The following PLA2G4A variants were observed in gnomAD, a reference collection of about 807,000 sequenced individuals.
PLA2G4A encodes phospholipase A2 group IVA.
A neutral mutation model predicts 81.9 loss-of-function variants in PLA2G4A; 40 were observed. The ratio of observed to expected loss-of-function variants is 0.49; its 90% CI spans 0.38 to 0.64. The LOEUF is 0.64. Among genes scored for constraint, PLA2G4A ranks in the 30% least tolerant of loss-of-function variants. PLA2G4A has a pLI of 0.00. For missense variants in PLA2G4A, 715 were observed against 905.1 expected, an observed-to-expected ratio of 0.79 and a Z score of 2.69; for synonymous variants, 302 against 296.9, an observed-to-expected ratio of 1.02 and a Z score of -0.18.
chr1:186,871,657 G>A (rs1265788393), intron 3 of PLA2G4A, among the ~76,000 whole-genome samples: 1 of 152,094 alleles, frequency 6.6e-6, no homozygotes, highest in Non-Finnish European at 1.5e-5. Flanking sequence ...AATAGATAAC[G>A]GAGGTGGGGG....
At chr1:186,908,691 T>C (rs948750883) in intron 6 of PLA2G4A, among the ~76,000 whole-genome samples, 45 of 151,924 alleles carry the variant, frequency 3.0e-4, no homozygotes, top group African/African-American at 1.1e-3. Context: ...TACTACATAA[T>C]AGTAAAAGTG....
Position 186,932,747 on chromosome 1 carries a change from T to G in PLA2G4A, c.559-16T>G. 1 of 1,612,402 alleles carries G rather than the reference T, an allele frequency of 6.2e-7. No homozygotes were observed. The highest frequency in any genetic ancestry group is 8.5e-7 in the Non-Finnish European group (1 of 1,178,424). On this transcript the variant is annotated splice_polypyrimidine_tract_variant and intron_variant, in intron 7 of 17. Coordinates refer to ENST00000367466, the MANE Select transcript of PLA2G4A (RefSeq NM_024420.3). ...TTTTTACTTTGTGTACAAATCTCTCTGTTGCATCGTTTCAGGTGCCTGTGG... is the reference window on the plus strand; with the variant it reads ...TTTTTACTTTGTGTACAAATCTCTCGGTTGCATCGTTTCAGGTGCCTGTGG...
At chr1:186,973,439 A>G (rs1266067215) in intron 15 of PLA2G4A, among the ~76,000 whole-genome samples, 2 of 152,166 alleles carry the variant, frequency 1.3e-5, no homozygotes, top group Non-Finnish European at 2.9e-5. Context: ...AAAATCCTTA[A>G]TTAAATTACA....
chr1:186,859,124 T>C (rs1571341042), intron 2 of PLA2G4A, among the ~76,000 whole-genome samples: 3 of 152,254 alleles, frequency 2.0e-5, no homozygotes, highest in Admixed American at 2.0e-4. Context: ...CAGCTTTGGT[T>C]GCCTCAAGGC....
At chr1:186,830,961 T>TTGCTTG (rs61289403) in intron 1 of PLA2G4A, among the ~76,000 whole-genome samples, 675 of 38,282 alleles carry the variant, frequency 0.018, 7 homozygotes, top group African/African-American at 0.044. Context: ...TTGCTTGCTT[T>TTGCTTG]CTTTCTTTCT....
chr1:186,892,271 T>C (rs1318285051), intron 3 of PLA2G4A, among the ~76,000 whole-genome samples: 1 of 152,120 alleles, frequency 6.6e-6, no homozygotes, highest in African/African-American at 2.4e-5. Context: ...TTTTTTCCTT[T>C]GGTGTGCAAA....
chr1:186,846,819 T>C (rs1014004221), intron 1 of PLA2G4A, among the ~76,000 whole-genome samples: 3 of 152,256 alleles, frequency 2.0e-5, no homozygotes, highest in East Asian at 3.9e-4. Flanking sequence ...AATTCCTTCA[T>C]TGATATTTTA....
chr1:186,903,464 A>G (rs1014963928), intron 5 of PLA2G4A, among the ~76,000 whole-genome samples: 7 of 152,158 alleles, frequency 4.6e-5, no homozygotes, highest in African/African-American at 1.7e-4. Flanking sequence ...GTCTATGGCA[A>G]GTTAGGACCT....
intron 10 of PLA2G4A, among the ~76,000 whole-genome samples, chr1:186,942,112 A>G (rs1243316950): frequency 1.3e-5 from 2 of 152,194 alleles, no homozygotes; most frequent in Non-Finnish European, 2.9e-5. Flanking sequence ...GGGGGCATGT[A>G]GCAGGGTCAG....
At chr1:186,932,689 A>G (rs1655793967) in intron 7 of PLA2G4A, 74 bp from the exon 8 acceptor site, 1 of 1,410,790 alleles carries the variant, frequency 7.1e-7, no homozygotes, top group African/African-American at 1.4e-5. Context: ...GTATAACATA[A>G]AGATTGAGAC....
At chr1:186,983,097 A>AAAAGAG (rs1553223841) in intron 17 of PLA2G4A, among the ~76,000 whole-genome samples, 1 of 149,846 alleles carries the variant, frequency 6.7e-6, no homozygotes, top group African/African-American at 2.4e-5. Context: ...AAAAAAAAAA[A>AAAAGAG]AAGAAAAGAA....
At chr1:186,936,613 T>A (rs1655956321) in intron 8 of PLA2G4A, among the ~76,000 whole-genome samples, 1 of 151,980 alleles carries the variant, frequency 6.6e-6, no homozygotes. Flanking sequence ...AAATTCTAAA[T>A]GTTTAACCCT....
At chr1:186,891,645 G>GAT (rs1654148260) in intron 3 of PLA2G4A, among the ~76,000 whole-genome samples, 2 of 152,090 alleles carry the variant, frequency 1.3e-5, no homozygotes, top group Non-Finnish European at 2.9e-5. Context: ...CTTCTTTATG[G>GAT]CTGAGTAACA....
chr1:186,862,937 C>G (rs914523228), intron 2 of PLA2G4A, among the ~76,000 whole-genome samples: 1 of 152,160 alleles, frequency 6.6e-6, no homozygotes, highest in Non-Finnish European at 1.5e-5. Context: ...CTGATGTTCA[C>G]ACTTTTTTTG....
At position 186,968,279 on chromosome 1, in the gene PLA2G4A, T is replaced by C. The variant is rs1161937481; in HGVS notation, c.1764+2686T>C. Among the ~76,000 whole-genome samples, 7 of 152,184 alleles carry C rather than the reference T, an allele frequency of 4.6e-5. No individual in the cohort carries two copies. The East Asian group carries it at 1.4e-3, about 29-fold the overall frequency. ...CAGTAGTTTTTAAATGTTGACTCATTATTTGTGATTAAGAATAGATACTTG... is the reference window on the plus strand; with the variant it reads ...CAGTAGTTTTTAAATGTTGACTCATCATTTGTGATTAAGAATAGATACTTG... On this transcript the variant is annotated intron_variant, in intron 15 of 17. Coordinates refer to ENST00000367466, the MANE Select transcript of PLA2G4A (RefSeq NM_024420.3).
Position 186,911,318 on chromosome 1 carries a change from G to T in PLA2G4A, c.487G>T (p.Glu163Ter). 2 of 1,609,032 alleles carry T rather than the reference G, an allele frequency of 1.2e-6. No homozygotes were observed. Among genetic ancestry groups the T allele is most frequent in the Non-Finnish European group, 1.7e-6 (2 of 1,175,370 alleles). ...QEKTFRQQRK[E>*]HIRESMKKLL... ...GAAGACTTTCAGACAACAGAGAAAAGAACACATAAGGGAGAGCATGAAGAA... is the reference window on the plus strand; with the variant it reads ...GAAGACTTTCAGACAACAGAGAAAATAACACATAAGGGAGAGCATGAAGAA... The change falls in exon 7 of 18, where the codon GAA becomes TAA. Residue 163 changes from glutamate (E) to a stop codon, truncating the protein, a stop_gained. Transcript: ENST00000367466. LOFTEE classifies it high-confidence loss of function.
At chr1:186,914,779 T>C (rs1317560726) in intron 7 of PLA2G4A, among the ~76,000 whole-genome samples, 1 of 152,164 alleles carries the variant, frequency 6.6e-6, no homozygotes, top group African/African-American at 2.4e-5. Flanking sequence ...TACTTCTTCT[T>C]TCTTTGGAGG....
At chr1:186,982,674 T>TGC (rs924782394) in intron 17 of PLA2G4A, among the ~76,000 whole-genome samples, 9 of 151,572 alleles carry the variant, frequency 5.9e-5, no homozygotes, top group East Asian at 1.9e-4. Context: ...CTCCTCTTTG[T>TGC]GTGTGTGTGC....
chr1:186,946,810 C>T (rs764639171), intron 11 of PLA2G4A, 36 bp downstream of exon 11: 19 of 1,598,356 alleles, frequency 1.2e-5, no homozygotes, highest in Admixed American at 1.7e-5. Context: ...CATTGACTTG[C>T]TTGACTATTT....
Sources: allele counts gnomAD v4.1 joint callset (sites outside exome capture counted in the v4.1 genomes callset), GRCh38; gene constraint gnomAD v4.1.1; transcripts MANE v1.5; gene names NCBI Gene and HGNC (gene_info 2026-07-23, HGNC 2026-07-21).